Variants in ANKRD30BL observed in about 807,000 individuals in gnomAD.
ANKRD30BL encodes putative ankyrin repeat domain-containing protein 30B-like.
Under a neutral mutation model 18.4 loss-of-function variants are expected in ANKRD30BL, and 20 were observed. The observed-to-expected ratio is 1.09, with a 90% confidence interval of 0.77 to 1.58. The LOEUF (loss-of-function observed/expected upper bound fraction) is 1.58. Among genes scored for constraint, ANKRD30BL ranks in the 40% most tolerant of loss-of-function variants. The pLI, the probability that ANKRD30BL is intolerant of heterozygous loss-of-function variation, is 0.00. For synonymous variants in ANKRD30BL, 72 were observed against 100.9 expected, an observed-to-expected ratio of 0.71 and a Z score of 1.72; for missense variants, 224 against 268.6, an observed-to-expected ratio of 0.83 and a Z score of 1.16.
At chr2:132,225,067 G>C (rs957307255) in intron 1 of ANKRD30BL, among the ~76,000 whole-genome samples, 6 of 151,612 alleles carry the variant, frequency 4.0e-5, no homozygotes, top group Non-Finnish European at 7.4e-5. Context: ...CTTAATAATA[G>C]AGCAGTTTTG....
chr2:132,232,540 A>G (rs1310870372), intron 1 of ANKRD30BL, among the ~76,000 whole-genome samples: 2 of 152,332 alleles, frequency 1.3e-5, no homozygotes, highest in South Asian at 4.1e-4. Flanking sequence ...TGAAGAATGC[A>G]GAAGCCTCAG....
intron 1 of ANKRD30BL, among the ~76,000 whole-genome samples, chr2:132,222,607 T>C (rs919470456): frequency 2.0e-5 from 3 of 151,998 alleles, no homozygotes; most frequent in Admixed American, 6.6e-5. Flanking sequence ...CGGTCCAAGA[T>C]GTGCTTTGTT....
intron 1 of ANKRD30BL, among the ~76,000 whole-genome samples, chr2:132,246,451 T>A (rs138865716): frequency 6.6e-6 from 1 of 151,698 alleles, no homozygotes; most frequent in Non-Finnish European, 1.5e-5. Context: ...AGTATTTCGT[T>A]GGAAATGGGA....
upstream of ANKRD30BL, among the ~76,000 whole-genome samples, chr2:132,164,982 G>C (rs376299436): frequency 1.1e-4 from 16 of 152,158 alleles, no homozygotes; most frequent in East Asian, 2.7e-3. Context: ...GCTGAGGCGT[G>C]AGAATGGCGT....
rs1037033828 is a variant in ANKRD30BL, at chr2:132,161,216, G to C, written c.218+272C>G. ...ATTCTCTACACAGTGCTCTGTGAGA[G>C]GAAGTGGGAGTGAAGGAGAAAGCAG... On this transcript the variant is annotated intron_variant, in intron 1 of 5. Transcript: ENST00000409867. Among the ~76,000 whole-genome samples, 12 of 152,154 alleles carry C rather than the reference G, an allele frequency of 7.9e-5. No individual in the cohort carries two copies. In the East Asian group the frequency reaches 2.4e-3, roughly 30 times the overall value.
chr2:132,174,674 G>T (rs910501953), intron 1 of ANKRD30BL, among the ~76,000 whole-genome samples: 3 of 152,220 alleles, frequency 2.0e-5, no homozygotes, highest in African/African-American at 7.2e-5. Flanking sequence ...GTTATACTCA[G>T]CTACTTCATT....
At chr2:132,221,150 GA>G (rs1558941134) in intron 1 of ANKRD30BL, among the ~76,000 whole-genome samples, 1 of 146,690 alleles carries the variant, frequency 6.8e-6, no homozygotes, top group Non-Finnish European at 1.5e-5. Context: ...GGGAAGTGAG[GA>G]GCATCTCCGC....
intron 1 of ANKRD30BL, among the ~76,000 whole-genome samples, chr2:132,205,568 T>C (rs1191695748): frequency 7.2e-6 from 1 of 138,888 alleles, no homozygotes. Context: ...ACTGTTGCAC[T>C]CCAGCCTGGG....
chr2:132,175,175 C>T (rs1343627445), intron 1 of ANKRD30BL, among the ~76,000 whole-genome samples: 5 of 147,314 alleles, frequency 3.4e-5, no homozygotes, highest in South Asian at 2.3e-4. Context: ...GCACCAGCAC[C>T]GGACTCTGAG....
At chr2:132,254,140 G>A (rs10170668) in intron 1 of ANKRD30BL, among the ~76,000 whole-genome samples, 6,283 of 150,772 alleles carry the variant, frequency 0.042, 458 homozygotes, top group African/African-American at 0.15. Flanking sequence ...CATCCAGCCC[G>A]CCCCACGACA....
intron 1 of ANKRD30BL, among the ~76,000 whole-genome samples, chr2:132,179,633 A>C (rs1688426910): frequency 6.6e-6 from 1 of 152,152 alleles, no homozygotes; most frequent in Non-Finnish European, 1.5e-5. Context: ...AAAAAAGAAA[A>C]AGAAAACTGA....
rs1340760452 is a variant in ANKRD30BL, at chr2:132,218,364, T to C, written n.441+39165A>G. ...TGCATTCAACTCACAGAGTTGAACA[T>C]ACCTTATCATAGAGCAGCTTTCAAA... On this transcript the variant is annotated intron_variant and non_coding_transcript_variant, in intron 1 of 4. Transcript: ENST00000470729. Among the ~76,000 whole-genome samples, 6 of 152,190 alleles carry C rather than the reference T, an allele frequency of 3.9e-5. No individual in the cohort carries two copies. The South Asian group carries it at 6.2e-4, about 16-fold the overall frequency.
rs202200050 is a variant in ANKRD30BL at position 132,211,766 on chromosome 2, C to G, written n.441+45763G>C. Among the ~76,000 whole-genome samples, 351 of 141,044 alleles carry G rather than the reference C, an allele frequency of 2.5e-3. 1 individual carries two copies. Among genetic ancestry groups the G allele is most frequent in the African/African-American group, 8.2e-3 (302 of 36,960 alleles). The allele number at this position is 141,044 out of a possible 152,430, so 92.5% of individuals were successfully genotyped here. On this transcript the variant is annotated intron_variant and non_coding_transcript_variant, in intron 1 of 4. Transcript: ENST00000470729. The stretch of plus-strand genomic sequence containing the variant: ...CATAAAAACTACACAGAAGCATTCT[C>G]TGAAACTTCTTTGTGATGTGTGCAT...
At chr2:132,164,943 A>G (rs1325486852), upstream of ANKRD30BL, among the ~76,000 whole-genome samples, 3 of 151,916 alleles carry the variant, frequency 2.0e-5, no homozygotes, top group Admixed American at 6.6e-5. Context: ...GCGTGGTGGC[A>G]GGCACCTGTA....
intron 1 of ANKRD30BL, among the ~76,000 whole-genome samples, chr2:132,179,038 A>C (rs1279627646): frequency 2.0e-5 from 3 of 151,680 alleles, no homozygotes; most frequent in Admixed American, 6.6e-5. Context: ...ACATTTCAGT[A>C]AATGGTGGAC....
intron 1 of ANKRD30BL, among the ~76,000 whole-genome samples, chr2:132,222,224 C>A: frequency 6.8e-6 from 1 of 148,026 alleles, no homozygotes; most frequent in African/African-American, 2.5e-5. Flanking sequence ...GGGGGTCAGC[C>A]CCCCGCCCGG....
chr2:132,199,840 A>G (rs1332845351), intron 1 of ANKRD30BL, among the ~76,000 whole-genome samples: 3 of 152,276 alleles, frequency 2.0e-5, no homozygotes, highest in African/African-American at 7.2e-5. Flanking sequence ...AGGGCAATAT[A>G]CGGGTAGAGA....
intron 1 of ANKRD30BL, among the ~76,000 whole-genome samples, chr2:132,221,604 G>T (rs1320307481): frequency 7.8e-6 from 1 of 128,594 alleles, no homozygotes; most frequent in African/African-American, 3.4e-5. Context: ...GGGGGGATCA[G>T]CCCCCCGCCC....
intron 1 of ANKRD30BL, among the ~76,000 whole-genome samples, chr2:132,195,427 A>G (rs1364330855): frequency 6.6e-6 from 1 of 151,822 alleles, no homozygotes; most frequent in African/African-American, 2.4e-5. Context: ...CAAATATGAG[A>G]AATATTATAG....
Sources: gnomAD v4.1 joint callset for allele counts (sites outside exome capture counted in the v4.1 genomes callset) on GRCh38, gnomAD v4.1.1 for gene constraint, MANE v1.5 for transcripts, NCBI Gene and HGNC (gene_info 2026-07-23, HGNC 2026-07-21) for gene names.